Variants in USP34 observed in about 807,000 individuals in gnomAD.
The protein encoded by USP34 is ubiquitin carboxyl-terminal hydrolase 34.
Under a neutral mutation model 460.3 loss-of-function variants are expected in USP34, and 70 were observed. The ratio of observed to expected loss-of-function variants is 0.15; its 90% CI spans 0.13 to 0.19. The LOEUF (loss-of-function observed/expected upper bound fraction) is 0.19, where lower values mean the gene tolerates loss of function less well. Among genes scored for constraint, USP34 ranks in the 10% least tolerant of loss-of-function variants. The pLI, the probability that USP34 is intolerant of heterozygous loss-of-function variation, is 1.00. For synonymous variants in USP34, 1,647 were observed against 1,405.3 expected, an observed-to-expected ratio of 1.17 and a Z score of -3.85; for missense variants, 3,985 against 4,236.2, an observed-to-expected ratio of 0.94 and a Z score of 1.65.
chr2:61,199,215 G>C (rs952776223), intron 75 of USP34, among the ~76,000 whole-genome samples: 1 of 151,616 alleles, frequency 6.6e-6, no homozygotes, highest in Non-Finnish European at 1.5e-5. Context: ...TTCATGTGAT[G>C]TTATGTTTTC....
At chr2:61,282,012 CAG>C (rs1558508106) in intron 37 of USP34, among the ~76,000 whole-genome samples, 1 of 152,136 alleles carries the variant, frequency 6.6e-6, no homozygotes, top group Non-Finnish European at 1.5e-5. Flanking sequence ...GTTTTTAAGA[CAG>C]AGTCTTGCTC....
intron 5 of USP34, among the ~76,000 whole-genome samples, chr2:61,387,829 A>G (rs905536936): frequency 1.3e-4 from 20 of 149,862 alleles, no homozygotes; most frequent in African/African-American, 4.6e-4. Flanking sequence ...ATGTAAAAAT[A>G]TATTTTTACG....
intron 78 of USP34, chr2:61,189,369 T>G (rs1572819006): frequency 5.0e-6 from 1 of 198,748 alleles, no homozygotes; most frequent in Non-Finnish European, 1.0e-5. Context: ...ACCACCCGGG[T>G]TCAAGCGATT....
Position 61,259,694 on chromosome 2 carries a change from A to G in USP34, c.5844+17T>C, listed in dbSNP as rs1316565287. Reference sequence around the variant, plus strand: ...AGCCACAGTGCCTGGCCTAGCCTCCATGATTCTTAAACATACCATTAAATA... The same window carrying G: ...AGCCACAGTGCCTGGCCTAGCCTCCGTGATTCTTAAACATACCATTAAATA... On this transcript the variant is annotated intron_variant, in intron 44 of 79. Transcript: ENST00000398571. 6 of 1,610,834 alleles carry G rather than the reference A, an allele frequency of 3.7e-6. No individual in the cohort carries two copies. The highest frequency in any genetic ancestry group is 5.1e-6 in the Non-Finnish European group (6 of 1,178,952).
intron 2 of USP34, among the ~76,000 whole-genome samples, chr2:61,420,106 T>C (rs914736653): frequency 2.6e-5 from 4 of 152,216 alleles, no homozygotes; most frequent in African/African-American, 9.6e-5. Context: ...ACATGTTCAT[T>C]GGCTACTGCA....
At chr2:61,336,119 TTGTG>T (rs745658418) in intron 18 of USP34, among the ~76,000 whole-genome samples, 8 of 150,088 alleles carry the variant, frequency 5.3e-5, no homozygotes, top group South Asian at 2.1e-4. Context: ...GCAAAACAAA[TTGTG>T]TGTGTGTGTG....
chr2:61,421,774 A>AACACAC lies in USP34; in HGVS notation c.44-947_44-942dup, dbSNP rs34490089. Among the ~76,000 whole-genome samples, 656 of 149,278 alleles carry AACACAC rather than the reference A, an allele frequency of 4.4e-3. 3 individuals are homozygous for AACACAC. Among genetic ancestry groups the AACACAC allele is most frequent in the African/African-American group, 0.015 (623 of 40,962 alleles). The stretch of plus-strand genomic sequence containing the variant: ...ATATATGAGGTTAGTTTACATTTAA[A>AACACAC]ACACACACACACACACACACACACG... On this transcript the variant is annotated intron_variant, in intron 1 of 79. Coordinates refer to ENST00000398571, the MANE Select transcript of USP34 (RefSeq NM_014709.4).
chr2:61,445,003 T>C (rs1392913541), intron 1 of USP34, among the ~76,000 whole-genome samples: 2 of 151,188 alleles, frequency 1.3e-5, no homozygotes, highest in East Asian at 3.9e-4. Flanking sequence ...GATTTCTCTG[T>C]ATAAACAATG....
Position 61,442,005 on chromosome 2 carries a change from C to A in USP34, c.44-21172G>T, listed in dbSNP as rs531208710. 1.2e-3 allele frequency among the ~76,000 whole-genome samples: 186 copies of A among 152,052 alleles called. 1 individual carries two copies. The highest frequency in any genetic ancestry group is 3.6e-3 in the African/African-American group (150 of 41,474). On this transcript the variant is annotated intron_variant, in intron 1 of 79. Transcript: ENST00000398571. ...AGTCAACTGATTTTTGACAAAGGTG[C>A]CAAGAATGTTCACTGGGGAAAGGAC...
At chr2:61,410,697 A>G (rs974642010) in intron 2 of USP34, among the ~76,000 whole-genome samples, 2 of 152,236 alleles carry the variant, frequency 1.3e-5, no homozygotes, top group African/African-American at 4.8e-5. Flanking sequence ...TCCTACTACA[A>G]ATATACTAAA....
At chr2:61,283,596 T>C in intron 35 of USP34, 147 bp from the exon 36 acceptor site, 1 of 495,226 alleles carries the variant, frequency 2.0e-6, no homozygotes, top group Non-Finnish European at 3.3e-6. Context: ...AGAGTGAGAG[T>C]GAGAGAGAGT....
chr2:61,435,848 G>A (rs1573039181), intron 1 of USP34, among the ~76,000 whole-genome samples: 1 of 152,022 alleles, frequency 6.6e-6, no homozygotes, highest in African/African-American at 2.4e-5. Context: ...GGCCAATATA[G>A]TAAAACCTCA....
At chr2:61,451,485 G>A (rs186501095) in intron 1 of USP34, among the ~76,000 whole-genome samples, 19 of 151,754 alleles carry the variant, frequency 1.3e-4, no homozygotes, top group African/African-American at 2.9e-4. Context: ...GGCAGCTCAC[G>A]ACCAGCCTGA....
chr2:61,219,385 T>A (rs1687493133), intron 67 of USP34, among the ~76,000 whole-genome samples: 1 of 152,140 alleles, frequency 6.6e-6, no homozygotes, highest in Admixed American at 6.5e-5. Context: ...GAATCCAACA[T>A]CTGGGCCAGG....
Position 61,391,323 on chromosome 2 carries a change from G to A in USP34, c.753+3530C>T, listed in dbSNP as rs144143389. On this transcript the variant is annotated intron_variant, in intron 5 of 79. Coordinates refer to ENST00000398571, the MANE Select transcript of USP34 (RefSeq NM_014709.4). ...TAGCCAGTCTCAAAATAAATATATA[G>A]CTTTTTCTTTAAGTGAGGAGGAAAT... 7.2e-5 allele frequency among the ~76,000 whole-genome samples: 11 copies of A among 152,072 alleles called. No homozygotes were observed. The East Asian group carries it at 1.9e-3, about 27-fold the overall frequency.
chr2:61,304,183 A>G lies in USP34; in HGVS notation c.3818-2729T>C, dbSNP rs76239133. ...AGCCTTGGGATTACAGGCATGAGCT[A>G]CCACGCCTGGCAATATTTTGGTAGA... On this transcript the variant is annotated intron_variant, in intron 27 of 79. Coordinates refer to ENST00000398571, the MANE Select transcript of USP34 (RefSeq NM_014709.4). 1.8e-3 allele frequency among the ~76,000 whole-genome samples: 271 copies of G among 152,300 alleles called. 4 individuals carry two copies. The East Asian group carries it at 0.045, about 25-fold the overall frequency.
chr2:61,410,343 GATTCATGCTCCTGTGA>G (rs1477567255), intron 2 of USP34, among the ~76,000 whole-genome samples: 2 of 152,164 alleles, frequency 1.3e-5, no homozygotes, highest in Non-Finnish European at 2.9e-5. Context: ...TTCACAACAT[GATTCATGCTCCTGTGA>G]GAATCTGATG....
At chr2:61,432,041 TAAC>T (rs1292134638) in intron 1 of USP34, among the ~76,000 whole-genome samples, 1 of 151,864 alleles carries the variant, frequency 6.6e-6, no homozygotes, top group Non-Finnish European at 1.5e-5. Context: ...GAATTTAAAA[TAAC>T]AAAAAACAGA....
At chr2:61,411,138 A>C (rs1210575577) in intron 2 of USP34, among the ~76,000 whole-genome samples, 4 of 152,120 alleles carry the variant, frequency 2.6e-5, no homozygotes, top group African/African-American at 9.7e-5. Flanking sequence ...TAATCCCAGC[A>C]CTTTGGGGGG....
Sources: gnomAD v4.1 joint callset for allele counts (sites outside exome capture counted in the v4.1 genomes callset) on GRCh38, gnomAD v4.1.1 for gene constraint, MANE v1.5 for transcripts, NCBI Gene and HGNC (gene_info 2026-07-23, HGNC 2026-07-21) for gene names.